GLDC: variants seen among roughly 807,000 people sequenced by gnomAD.
GLDC encodes the protein glycine decarboxylase, also known as glycine dehydrogenase (decarboxylating), mitochondrial.
In GLDC, 104 loss-of-function variants were observed where a neutral mutation model predicts 121.3. The observed-to-expected ratio is 0.86, with a 90% CI of 0.73 to 1.01. The LOEUF is 1.01. GLDC is among the 50% of genes least tolerant of loss of function. The pLI is 0.00. For missense variants in GLDC, 1,429 were observed against 1,306.6 expected (o/e 1.09, Z -1.44); for synonymous variants, 546 against 480.6 (o/e 1.14, Z -1.78).
At chr9:6,612,189 ACT>A (rs1236282061) in intron 3 of GLDC, among the ~76,000 whole-genome samples, 21 of 136,804 alleles carry the variant, frequency 1.5e-4, no homozygotes, top group African/African-American at 5.1e-4. Context: ...ACACACACTC[ACT>A]CTCTCACACA....
At chr9:6,583,717 C>T (rs1818214007) in intron 15 of GLDC, among the ~76,000 whole-genome samples, 1 of 152,120 alleles carries the variant, frequency 6.6e-6, no homozygotes, top group Non-Finnish European at 1.5e-5. Context: ...CATGCCACAA[C>T]ATTGATGAAC....
chr9:6,595,139 A>G lies in GLDC; in HGVS notation c.1156-20T>C, dbSNP rs371476808. The G allele has an allele frequency of 6.7e-6, 10 of 1,501,554 alleles. No individual in the cohort carries two copies. The highest frequency in any genetic ancestry group is 8.4e-6 in the Non-Finnish European group (9 of 1,077,458). 93.0% of individuals were successfully genotyped at this position (1,501,554 alleles called of 1,614,324 possible). On this transcript the variant is annotated intron_variant, in intron 8 of 24. Transcript: ENST00000321612. ...GAGGGCCTAAAAGATAAGAACATTT[A>G]AAGAATCACGTGATGGAGGACAATT...
rs1470245998 is a variant in GLDC, at chr9:6,644,649, C to T, written c.299G>A (p.Arg100His). ...LIEKTVPANI[R>H]LKRPLKMEDP... is the part of the protein sequence containing the mutation. The stretch of plus-strand genomic sequence containing the variant: ...TTCCATTTTCAAGGGTCTTTTCAAA[C>T]GGATGTTGGCAGGGACCGTCTTCTC... Residue 100 changes from arginine (R) to histidine (H), a missense_variant, in exon 2 of 25, where the codon CGT becomes CAT. Arg to His is a conservative substitution (Grantham distance 29). Coordinates refer to ENST00000321612, the MANE Select transcript of GLDC (RefSeq NM_000170.3). 7 of 1,613,476 alleles carry T rather than the reference C, an allele frequency of 4.3e-6. No individual in the cohort carries two copies. In the Admixed American group the frequency reaches 6.7e-5, roughly 15 times the overall value.
chr9:6,612,485 G>C (rs1291919614), intron 3 of GLDC, among the ~76,000 whole-genome samples: 1 of 152,114 alleles, frequency 6.6e-6, no homozygotes, highest in Non-Finnish European at 1.5e-5. Context: ...TGTAACCCTT[G>C]CACTCTGGGA....
At chr9:6,558,741 T>C (rs1817686753) in intron 16 of GLDC, 57 bp from the exon 17 acceptor site, 13 of 1,598,456 alleles carry the variant, frequency 8.1e-6, no homozygotes, top group Non-Finnish European at 1.1e-5. Flanking sequence ...CTATGAATAA[T>C]GACAGAAAAG....
At chr9:6,594,943 A>G (rs1390231518) in intron 9 of GLDC, 71 bp downstream of exon 9, 7 of 926,202 alleles carry the variant, frequency 7.6e-6, no homozygotes, top group Non-Finnish European at 1.3e-5. Flanking sequence ...TTGGACATGC[A>G]ATATTTTCAA....
intron 2 of GLDC, among the ~76,000 whole-genome samples, chr9:6,637,304 C>A (rs1323946703): frequency 1.3e-5 from 2 of 150,968 alleles, no homozygotes; most frequent in Non-Finnish European, 2.9e-5. Context: ...ACCTGGGAGG[C>A]AGAGGCAGGA....
intron 16 of GLDC, among the ~76,000 whole-genome samples, chr9:6,560,952 GC>G (rs1330528558): frequency 6.6e-6 from 1 of 152,224 alleles, no homozygotes; most frequent in East Asian, 1.9e-4. Flanking sequence ...CACAGAGGGA[GC>G]GGGAGATGTG....
At chr9:6,585,743 G>C (rs532515370) in intron 15 of GLDC, among the ~76,000 whole-genome samples, 1 of 152,154 alleles carries the variant, frequency 6.6e-6, no homozygotes, top group Non-Finnish European at 1.5e-5. Flanking sequence ...GAAGAACCTA[G>C]GGGCAGATAC....
At chr9:6,624,755 G>C (rs763135566) in intron 2 of GLDC, among the ~76,000 whole-genome samples, 1 of 152,084 alleles carries the variant, frequency 6.6e-6, no homozygotes, top group Non-Finnish European at 1.5e-5. Context: ...GGGAGGCTGA[G>C]GCAGGAGGAT....
At chr9:6,571,461 T>C (rs1336518797) in intron 15 of GLDC, among the ~76,000 whole-genome samples, 3 of 152,340 alleles carry the variant, frequency 2.0e-5, no homozygotes, top group East Asian at 3.9e-4. Context: ...TTGGGTACAC[T>C]ACTAAATAAA....
At chr9:6,632,663 T>C (rs967296682) in intron 2 of GLDC, among the ~76,000 whole-genome samples, 1 of 152,178 alleles carries the variant, frequency 6.6e-6, no homozygotes, top group African/African-American at 2.4e-5. Context: ...ACGTCCCTAT[T>C]CTCTAGCACG....
chr9:6,625,838 G>A (rs946500523), intron 2 of GLDC, among the ~76,000 whole-genome samples: 6 of 151,588 alleles, frequency 4.0e-5, no homozygotes, highest in African/African-American at 1.2e-4. Context: ...CTGAGAAGGA[G>A]TAGATAGGAT....
chr9:6,585,660 A>T (rs1818254921), intron 15 of GLDC, among the ~76,000 whole-genome samples: 1 of 152,168 alleles, frequency 6.6e-6, no homozygotes, highest in Admixed American at 6.5e-5. Flanking sequence ...GAAATTTTGC[A>T]TTACTAACCA....
chr9:6,585,808 G>C (rs969357201), intron 15 of GLDC, among the ~76,000 whole-genome samples: 2 of 152,068 alleles, frequency 1.3e-5, no homozygotes, highest in African/African-American at 2.4e-5. Context: ...CCGATAACAT[G>C]ATTCCTGCCC....
intron 4 of GLDC, among the ~76,000 whole-genome samples, chr9:6,607,621 ATAGT>A (rs1334871462): frequency 1.1e-4 from 16 of 151,836 alleles, no homozygotes; most frequent in Non-Finnish European, 2.1e-4. Flanking sequence ...AATAAATAAA[ATAGT>A]TTATTTATTT....
At chr9:6,621,224 T>G in intron 2 of GLDC, among the ~76,000 whole-genome samples, 1 of 152,206 alleles carries the variant, frequency 6.6e-6, no homozygotes, top group East Asian at 1.9e-4. Context: ...ACCAGCATTC[T>G]CATGAAGGCA....
At chr9:6,643,902 T>C (rs919509139) in intron 2 of GLDC, among the ~76,000 whole-genome samples, 2 of 150,282 alleles carry the variant, frequency 1.3e-5, no homozygotes, top group South Asian at 2.1e-4. Flanking sequence ...GGTGTGGTGG[T>C]GCGCCCCTGT....
intron 21 of GLDC, among the ~76,000 whole-genome samples, chr9:6,542,766 G>A (rs1224170793): frequency 6.6e-6 from 1 of 151,120 alleles, no homozygotes; most frequent in African/African-American, 2.4e-5. Flanking sequence ...CCTGCCTGTA[G>A]TACCAGCTAC....
Sources: gnomAD v4.1 joint callset for allele counts (sites outside exome capture counted in the v4.1 genomes callset) on GRCh38, gnomAD v4.1.1 for gene constraint, MANE v1.5 for transcripts, NCBI Gene and HGNC (gene_info 2026-07-23, HGNC 2026-07-21) for gene names.